The following ADRA1A variants were observed in gnomAD, a reference collection of about 807,000 sequenced individuals.
ADRA1A encodes adrenoceptor alpha 1A, also known as alpha-1A adrenergic receptor.
ADRA1A carries 31 observed loss-of-function variants against 29.6 expected under a neutral mutation model. The observed-to-expected ratio is 1.05, with a 90% CI of 0.79 to 1.41. The LOEUF (loss-of-function observed/expected upper bound fraction) is 1.41, where lower values mean the gene tolerates loss of function less well. ADRA1A is among the 40% of genes most tolerant of loss of function. The pLI, the probability that ADRA1A is intolerant of heterozygous loss-of-function variation, is 0.00. For missense variants in ADRA1A, 619 were observed against 601.1 expected, an observed-to-expected ratio of 1.03 and a Z score of -0.31; for synonymous variants, 311 against 254.3, an observed-to-expected ratio of 1.22 and a Z score of -2.12.
rs35199156 is a variant in ADRA1A at position 26,813,489 on chromosome 8, TATCCATCC to T, written c.884-42831_884-42824del. Among the ~76,000 whole-genome samples, 1,413 of 149,924 alleles carry T rather than the reference TATCCATCC, an allele frequency of 9.4e-3. 18 individuals carry two copies. Among genetic ancestry groups the T allele is most frequent in the African/African-American group, 0.033 (1,336 of 40,338 alleles). ...AAGGGATCTTAATTCCTCTTGCATC[TATCCATCC>T]ATCCATCCATCCATCCATCCATCCA... On this transcript the variant is annotated intron_variant, in intron 2 of 2. Transcript: ENST00000380573.
rs1242367744 is a variant in ADRA1A, at chr8:26,866,984, C to T, written c.-735G>A. ...CAGCTCGCGCGCGGGGGATGTGGAC[C>T]CGGCTTCGGTCCCGGGAGCTGCCTG... is the stretch of plus-strand genomic sequence containing the variant. On this transcript the variant is annotated 5_prime_UTR_variant, in exon 1 of 3. Transcript: ENST00000380573. This position sits in a 1 kb window ranked among gnomAD's most constrained non-coding sequence, Gnocchi z 5.7. 3.0e-6 allele frequency: 3 copies of T among 984,722 alleles called. No individual in the cohort carries two copies. The highest frequency in any genetic ancestry group is 3.6e-6 in the Non-Finnish European group (3 of 829,798). The allele number at this position is 984,722 out of a possible 1,614,324, so 61.0% of individuals were successfully genotyped here.
chr8:26,853,680 A>T (rs987930400), intron 2 of ADRA1A: 2 of 152,240 alleles, frequency 1.3e-5, no homozygotes, highest in Non-Finnish European at 2.9e-5. Flanking sequence ...CAAAATAAAT[A>T]CTGTGAGGCA....
intron 2 of ADRA1A, among the ~76,000 whole-genome samples, chr8:26,792,184 A>C (rs1807884397): frequency 6.6e-6 from 1 of 152,178 alleles, no homozygotes; most frequent in Non-Finnish European, 1.5e-5. Flanking sequence ...TGCAATCTAC[A>C]GAGGATGTCT....
In ADRA1A at chr8:26,860,588, C is replaced by T. The variant is rs1426925361; in HGVS notation, c.883+3499G>A. On this transcript the variant is annotated intron_variant, in intron 2 of 2. Transcript: ENST00000380573. The surrounding 1 kb of genome is among the most constrained non-coding windows in gnomAD (Gnocchi z 4.7). The stretch of plus-strand genomic sequence containing the variant: ...CCCACTCTCAAAGATGAATCTTTCA[C>T]ACCTTCTCTGAGGCTAAAACTGCCA... Among the ~76,000 whole-genome samples the T allele has an allele frequency of 6.6e-6, 1 of 152,164 alleles. No homozygotes were observed. The highest frequency in any genetic ancestry group is 1.9e-4 in the East Asian group (1 of 5,198).
downstream of ADRA1A, chr8:26,766,106 T>A: frequency 6.2e-7 from 1 of 1,613,768 alleles, no homozygotes; most frequent in Middle Eastern, 1.6e-4. Context: ...ATGCTTGATA[T>A]GCTCTCTGCA....
rs903310448 is a variant in ADRA1A, at chr8:26,775,781, C to T, written c.884-5115G>A. 1.7e-4 allele frequency among the ~76,000 whole-genome samples: 26 copies of T among 152,184 alleles called. No homozygotes were observed. The highest frequency in any genetic ancestry group is 5.3e-4 in the African/African-American group (22 of 41,442). ...CCCTCTGGACACCCTGACCAACTTA[C>T]GCCGGTCAGACTGAGGTGGATAGAA... On this transcript the variant is annotated intron_variant, in intron 2 of 2. Coordinates refer to ENST00000380573, the MANE Select transcript of ADRA1A (RefSeq NM_000680.4). The surrounding 1 kb of genome is among the most constrained non-coding windows in gnomAD (Gnocchi z 4.1).
rs1037578620 is a variant in ADRA1A, at chr8:26,825,152, T to A, written c.883+38935A>T. On this transcript the variant is annotated intron_variant, in intron 2 of 2. Transcript: ENST00000380573. This position sits in a 1 kb window ranked among gnomAD's most constrained non-coding sequence, Gnocchi z 5.7. Reference sequence around the variant, plus strand: ...CAGAGAGACCCCCAGCCCCCACATGTCCCACCCTGAGCTTGCTAGGCCTTC... The same window carrying A: ...CAGAGAGACCCCCAGCCCCCACATGACCCACCCTGAGCTTGCTAGGCCTTC... Among the ~76,000 whole-genome samples the A allele has an allele frequency of 2.0e-5, 3 of 152,152 alleles. No individual in the cohort carries two copies. Among genetic ancestry groups the A allele is most frequent in the African/African-American group, 7.2e-5 (3 of 41,454 alleles).
intron 2 of ADRA1A, chr8:26,748,776 A>AAAACTATT (rs1804801978): frequency 2.5e-6 from 1 of 405,990 alleles, no homozygotes; most frequent in African/African-American, 2.2e-5. Context: ...AAAAAGTTGA[A>AAAACTATT]AAACTATTGA....
Position 26,796,955 on chromosome 8 carries a change from T to C in ADRA1A, c.884-26289A>G, listed in dbSNP as rs1808231548. On this transcript the variant is annotated intron_variant, in intron 2 of 2. Coordinates refer to ENST00000380573, the MANE Select transcript of ADRA1A (RefSeq NM_000680.4). The surrounding 1 kb of genome is among the most constrained non-coding windows in gnomAD (Gnocchi z 5.0). ...ATTGAGAGTGAAATGAAGGGAGTCG[T>C]ATTAGAGCATGAGTTCTCTCAGCGT... Among the ~76,000 whole-genome samples the C allele has an allele frequency of 1.3e-5, 2 of 152,148 alleles. No homozygotes were observed. The highest frequency in any genetic ancestry group is 4.8e-5 in the African/African-American group (2 of 41,440).
At chr8:26,777,241 G>C (rs908415034) in intron 2 of ADRA1A, among the ~76,000 whole-genome samples, 3 of 152,164 alleles carry the variant, frequency 2.0e-5, no homozygotes, top group Admixed American at 2.0e-4. Context: ...CTAAGAAGGT[G>C]GTCAGAATAA....
At chr8:26,803,696 A>C (rs117378461) in intron 2 of ADRA1A, among the ~76,000 whole-genome samples, 97 of 152,328 alleles carry the variant, frequency 6.4e-4, no homozygotes, top group South Asian at 2.9e-3. Flanking sequence ...TGTATCCAGA[A>C]TATATGCAGA....
intron 2 of ADRA1A, among the ~76,000 whole-genome samples, chr8:26,846,935 TG>T (rs1563303372): frequency 1.3e-5 from 2 of 152,086 alleles, no homozygotes; most frequent in East Asian, 3.9e-4. Flanking sequence ...TGGATGAAAT[TG>T]GAAATCATCA....
intron 2 of ADRA1A, among the ~76,000 whole-genome samples, chr8:26,849,597 T>C (rs1293578278): frequency 1.3e-5 from 2 of 152,176 alleles, no homozygotes; most frequent in Non-Finnish European, 2.9e-5. Flanking sequence ...CTCCCCTTAA[T>C]CTGGATCTGA....
intron 2 of ADRA1A, among the ~76,000 whole-genome samples, chr8:26,812,936 G>T (rs1415362180): frequency 6.6e-6 from 1 of 151,954 alleles, no homozygotes; most frequent in African/African-American, 2.4e-5. Flanking sequence ...AAAGTGCTGG[G>T]ATTACAGGCT....
downstream of ADRA1A, among the ~76,000 whole-genome samples, chr8:26,764,650 T>G (rs899915160): frequency 6.6e-6 from 1 of 152,216 alleles, no homozygotes; most frequent in Non-Finnish European, 1.5e-5. Flanking sequence ...TGCTAAAGTG[T>G]AGGTAATAAT....
At chr8:26,762,582 G>A (rs949716412), downstream of ADRA1A, among the ~76,000 whole-genome samples, 19 of 152,124 alleles carry the variant, frequency 1.2e-4, no homozygotes, top group African/African-American at 4.6e-4. The surrounding 1 kb of genome is among the most constrained non-coding windows in gnomAD (Gnocchi z 4.0). Context: ...GGGGAGAGTG[G>A]AATAATGGAG....
At chr8:26,824,471 A>C (rs901663306) in intron 2 of ADRA1A, among the ~76,000 whole-genome samples, 14 of 152,186 alleles carry the variant, frequency 9.2e-5, no homozygotes, top group African/African-American at 1.4e-4. Context: ...TATTGTGAGG[A>C]TCGAACAAGG....
At chr8:26,797,161 C>T (rs1470084598) in intron 2 of ADRA1A, among the ~76,000 whole-genome samples, 1 of 152,096 alleles carries the variant, frequency 6.6e-6, no homozygotes, top group African/African-American at 2.4e-5. Flanking sequence ...TCATTTATAG[C>T]CTGACATCAA....
chr8:26,845,860 T>C (rs1812160072), intron 2 of ADRA1A, among the ~76,000 whole-genome samples: 1 of 152,208 alleles, frequency 6.6e-6, no homozygotes, highest in South Asian at 2.1e-4. Flanking sequence ...ATCCCATTCA[T>C]ATGCAGTATC....
Sources: allele counts gnomAD v4.1 joint callset (sites outside exome capture counted in the v4.1 genomes callset), GRCh38; gene constraint gnomAD v4.1.1; non-coding constraint Gnocchi (gnomAD v3.1); transcripts MANE v1.5; gene names NCBI Gene and HGNC (gene_info 2026-07-23, HGNC 2026-07-21).